The following DRICH1 variants were observed in gnomAD, a reference collection of about 807,000 sequenced individuals.
The protein encoded by DRICH1 is aspartate-rich protein 1.
In DRICH1, 38 loss-of-function variants were observed where a neutral mutation model predicts 39.5. That is an observed-to-expected ratio of 0.96 (90% CI 0.74 to 1.26). The LOEUF (loss-of-function observed/expected upper bound fraction) is 1.26, where lower values mean the gene tolerates loss of function less well. Among genes scored for constraint, DRICH1 ranks in the 50% most tolerant of loss-of-function variants. The pLI is 0.00. For synonymous variants in DRICH1, 84 were observed against 99.5 expected, an observed-to-expected ratio of 0.84 and a Z score of 0.93; for missense variants, 279 against 270.4, an observed-to-expected ratio of 1.03 and a Z score of -0.22.
At position 23,622,142 on chromosome 22, in the gene DRICH1, T is replaced by C. The variant is rs764802546; in HGVS notation, c.333A>G (p.Leu111=). 2 of 1,614,092 alleles carry C rather than the reference T, an allele frequency of 1.2e-6. No homozygotes were observed. The highest frequency in any genetic ancestry group is 1.7e-5 in the Admixed American group (1 of 60,016). Residue 111 remains leucine, a synonymous_variant, in exon 4 of 12, where the codon CTA becomes CTG. Transcript: ENST00000317749. The part of the protein sequence containing the change: ...SSEDNLSLVC[L]PRSEDDDCDD... The stretch of plus-strand genomic sequence containing the variant: ...CACAGTCATCATCTTCACTTCGTGG[T>C]AGGCATACTAAACTCAGGTTGTCCT...
downstream of DRICH1, among the ~76,000 whole-genome samples, chr22:23,607,816 C>T (rs1926822315): frequency 6.6e-6 from 1 of 152,204 alleles, no homozygotes; most frequent in African/African-American, 2.4e-5. Flanking sequence ...ACTGTGACCA[C>T]CATCCTTGCC....
the DRICH1 span, among the ~76,000 whole-genome samples, chr22:23,593,979 A>AAAAAAAAAAAAAG: frequency 3.7e-3 from 201 of 54,604 alleles, 2 homozygotes; most frequent in Middle Eastern, 0.021. Context: ...CTCTGTCTCA[A>AAAAAAAAAAAAAG]AAAAAAAAAA....
At chr22:23,595,288 T>A in the DRICH1 span, among the ~76,000 whole-genome samples, 1 of 149,072 alleles carries the variant, frequency 6.7e-6, no homozygotes, top group Non-Finnish European at 1.5e-5. Flanking sequence ...TGTGTATTCA[T>A]CCCCTGAGAA....
At chr22:23,585,047 T>A in the DRICH1 span, among the ~76,000 whole-genome samples, 1 of 152,206 alleles carries the variant, frequency 6.6e-6, no homozygotes, top group African/African-American at 2.4e-5. Flanking sequence ...TTTCTTGAGT[T>A]CCCCAACTGT....
chr22:23,607,437 G>A (rs900167512), downstream of DRICH1, among the ~76,000 whole-genome samples: 113 of 152,222 alleles, frequency 7.4e-4, no homozygotes, highest in African/African-American at 2.5e-3. Context: ...GCAGTGGTTG[G>A]GGAGTGTTCC....
At position 23,631,890 on chromosome 22, in the gene DRICH1, T is replaced by C. The variant is rs753204661; in HGVS notation, c.134A>G (p.Glu45Gly). 6.2e-7 allele frequency: 1 copy of C among 1,613,256 alleles called. No homozygotes were observed. The highest frequency in any genetic ancestry group is 8.5e-7 in the Non-Finnish European group (1 of 1,180,018). Residue 45 changes from glutamate (E) to glycine (G), a missense_variant, in exon 1 of 12, where the codon GAG (glutamate) becomes GGG (glycine). Coordinates refer to ENST00000317749, the MANE Select transcript of DRICH1 (RefSeq NM_016449.4). ...AAATSESTTV[E>G]PGKLDVGATE... is the part of the protein sequence containing the mutation. ...GGCTCCCACATCCAGCTTGCCAGGCTCTACAGTAGTGGATTCTGATGTTGC... is the reference window on the plus strand; with the variant it reads ...GGCTCCCACATCCAGCTTGCCAGGCCCTACAGTAGTGGATTCTGATGTTGC...
chr22:23,607,792 ATCC>A (rs1278748812), downstream of DRICH1, among the ~76,000 whole-genome samples: 3 of 152,162 alleles, frequency 2.0e-5, no homozygotes, highest in Non-Finnish European at 4.4e-5. Context: ...GCCTCCCTGC[ATCC>A]TCCTATGTCC....
At chr22:23,588,962 T>C in the DRICH1 span, among the ~76,000 whole-genome samples, 68 of 152,204 alleles carry the variant, frequency 4.5e-4, no homozygotes, top group African/African-American at 1.6e-3. Flanking sequence ...ACTAGCAACA[T>C]CATGCTTCTG....
the DRICH1 span, among the ~76,000 whole-genome samples, chr22:23,598,582 C>A: frequency 6.6e-6 from 1 of 152,152 alleles, no homozygotes; most frequent in East Asian, 1.9e-4. Flanking sequence ...CTTGGAAGAA[C>A]ACGCTCTGGG....
chr22:23,590,229 G>A, the DRICH1 span, among the ~76,000 whole-genome samples: 1 of 151,888 alleles, frequency 6.6e-6, no homozygotes, highest in Non-Finnish European at 1.5e-5. Context: ...TTGATTTCTA[G>A]CATCGTTGCA....
In DRICH1 at chr22:23,608,473, T is replaced by C. The variant is rs1468342189; in HGVS notation, c.*291A>G. On this transcript the variant is annotated 3_prime_UTR_variant, in exon 12 of 12. Coordinates refer to ENST00000317749, the MANE Select transcript of DRICH1 (RefSeq NM_016449.4). The stretch of plus-strand genomic sequence containing the variant: ...TGAATAAATGCACTCAGTCTCTTTA[T>C]TTCAAGTGGGAATGGCACTTTCTGC... The C allele has an allele frequency of 4.0e-6, 2 of 493,872 alleles. No homozygotes were observed. Among genetic ancestry groups the C allele is most frequent in the Non-Finnish European group, 7.3e-6 (2 of 273,876 alleles). 30.6% of individuals were successfully genotyped at this position (493,872 alleles called of 1,614,324 possible).
the DRICH1 span, among the ~76,000 whole-genome samples, chr22:23,601,161 C>CACAT: frequency 6.6e-6 from 1 of 151,988 alleles, no homozygotes; most frequent in East Asian, 1.9e-4. Flanking sequence ...CACACACACA[C>CACAT]ACACACACAC....
At chr22:23,605,039 G>A (rs1926654548), downstream of DRICH1, among the ~76,000 whole-genome samples, 1 of 152,132 alleles carries the variant, frequency 6.6e-6, no homozygotes, top group South Asian at 2.1e-4. Context: ...TGAGTTGGGC[G>A]GGTCGCCTCA....
intron 11 of DRICH1, among the ~76,000 whole-genome samples, chr22:23,612,927 T>G (rs1377105803): frequency 2.0e-5 from 3 of 152,184 alleles, no homozygotes; most frequent in Non-Finnish European, 4.4e-5. Flanking sequence ...GAGAGAGTTG[T>G]GTCCCCCAGA....
At chr22:23,619,110 G>C (rs1927554694) in intron 6 of DRICH1, among the ~76,000 whole-genome samples, 1 of 150,582 alleles carries the variant, frequency 6.6e-6, no homozygotes. Flanking sequence ...AGGCAGAGGT[G>C]GCAGTGAGGA....
chr22:23,605,628 A>G (rs979179), downstream of DRICH1, among the ~76,000 whole-genome samples: 131,947 of 148,876 alleles, frequency 0.89, 58,298 homozygotes, highest in Admixed American at 0.94. Context: ...CTCCATTCCC[A>G]CCCCTGCCTC....
chr22:23,612,105 G>A (rs1024006484), intron 11 of DRICH1, among the ~76,000 whole-genome samples: 6 of 152,126 alleles, frequency 3.9e-5, no homozygotes, highest in Admixed American at 2.0e-4. Context: ...GTGAGTGCTG[G>A]TGTTATTCCA....
At chr22:23,589,462 C>A in the DRICH1 span, among the ~76,000 whole-genome samples, 3 of 148,946 alleles carry the variant, frequency 2.0e-5, no homozygotes, top group African/African-American at 7.4e-5. Flanking sequence ...AAAAAAAACC[C>A]AAAAAACATA....
chr22:23,597,502 CAAAA>C, the DRICH1 span, among the ~76,000 whole-genome samples: 6 of 106,430 alleles, frequency 5.6e-5, no homozygotes, highest in East Asian at 2.6e-4. Flanking sequence ...GACCCTGTCT[CAAAA>C]AAAAAAAAAA....
Sources: allele counts gnomAD v4.1 joint callset (sites outside exome capture counted in the v4.1 genomes callset), GRCh38; gene constraint gnomAD v4.1.1; transcripts MANE v1.5; gene names NCBI Gene and HGNC (gene_info 2026-07-23, HGNC 2026-07-21).